The following SPRED2 variants were observed in gnomAD, a reference collection of about 807,000 sequenced individuals.
SPRED2 encodes sprouty related EVH1 domain containing 2.
Under a neutral mutation model 43.0 loss-of-function variants are expected in SPRED2, and 47 were observed. The ratio of observed to expected loss-of-function variants is 1.09; its 90% CI spans 0.87 to 1.40. The LOEUF (loss-of-function observed/expected upper bound fraction) is 1.40, where lower values mean the gene tolerates loss of function less well. Ranked by LOEUF, SPRED2 falls within the 40% of genes most tolerant of loss-of-function variation. SPRED2 has a pLI of 0.00. For missense variants in SPRED2, 561 were observed against 586.4 expected (o/e 0.96, Z 0.45); for synonymous variants, 225 against 225.7 (o/e 1.00, Z 0.03).
At chr2:65,402,580 G>A (rs894895415) in intron 1 of SPRED2, among the ~76,000 whole-genome samples, 1 of 152,192 alleles carries the variant, frequency 6.6e-6, no homozygotes, top group African/African-American at 2.4e-5. Flanking sequence ...ATCCAGGCAG[G>A]CCTGCAGAGG....
intron 4 of SPRED2, among the ~76,000 whole-genome samples, chr2:65,329,887 T>C (rs1175600640): frequency 6.6e-6 from 1 of 152,156 alleles, no homozygotes; most frequent in African/African-American, 2.4e-5. Flanking sequence ...GAAGGACAAC[T>C]GAGTTCATTT....
intron 1 of SPRED2, chr2:65,374,038 G>A (rs1340296909): frequency 2.6e-5 from 4 of 152,172 alleles, no homozygotes; most frequent in Admixed American, 1.3e-4. Flanking sequence ...TGTGAGGCAC[G>A]TTTGCTAACT....
At chr2:65,340,517 A>G (rs1443836199) in intron 2 of SPRED2, among the ~76,000 whole-genome samples, 2 of 152,238 alleles carry the variant, frequency 1.3e-5, no homozygotes, top group Non-Finnish European at 2.9e-5. Flanking sequence ...GTCTCCATAA[A>G]GAGGTTTCTC....
chr2:65,313,233 C>T lies in SPRED2; in HGVS notation c.*268G>A. On this transcript the variant is annotated 3_prime_UTR_variant, in exon 6 of 6. Transcript: ENST00000356388. Reference sequence around the variant, plus strand: ...GCTTGGTTACAGATTGTTAATAGTACAGGAGTCTGTGGCGAAGGTTCCTTC... The same window carrying T: ...GCTTGGTTACAGATTGTTAATAGTATAGGAGTCTGTGGCGAAGGTTCCTTC... 4.0e-6 allele frequency: 5 copies of T among 1,252,520 alleles called. No individual in the cohort carries two copies. The highest frequency in any genetic ancestry group is 2.7e-5 in the South Asian group (1 of 36,378). The allele number at this position is 1,252,520 out of a possible 1,614,324, so 77.6% of individuals were successfully genotyped here. A position where few individuals can be genotyped will look rare whatever the true frequency, so the allele number is the denominator to read the frequency against.
intron 1 of SPRED2, among the ~76,000 whole-genome samples, chr2:65,430,002 T>A (rs1676641209): frequency 6.6e-6 from 1 of 152,306 alleles, no homozygotes; most frequent in East Asian, 1.9e-4. Flanking sequence ...AGGTCAGGCC[T>A]GTATTCCCAA....
In SPRED2 at chr2:65,311,968, CGCTACCACAGAAAGATCGTG is replaced by C. The variant is rs1343013953; in HGVS notation, c.*1513_*1532del. ...GGAGCAGGCCATGTCTTCTGCTGGC[CGCTACCACAGAAAGATCGTG>C]GCGGGAAGAACAGCCGGCGTCCGCA... is the stretch of plus-strand genomic sequence containing the variant. On this transcript the variant is annotated 3_prime_UTR_variant, in exon 6 of 6. Coordinates refer to ENST00000356388, the MANE Select transcript of SPRED2 (RefSeq NM_181784.3). 1.0e-6 allele frequency: 1 copy of C among 985,172 alleles called. No homozygotes were observed. The highest frequency in any genetic ancestry group is 1.1e-4 in the East Asian group (1 of 8,812). 61.0% of individuals were successfully genotyped at this position (985,172 alleles called of 1,614,324 possible).
In SPRED2 at chr2:65,313,454, G is replaced by T. The variant is rs750514525; in HGVS notation, c.*47C>A. The T allele has an allele frequency of 6.4e-7, 1 of 1,557,924 alleles. No individual in the cohort carries two copies. Among genetic ancestry groups the T allele is most frequent in the African/African-American group, 1.4e-5 (1 of 73,302 alleles). ...GAGAAGATGAGAGTATGTAAGAGAC[G>T]AGTTCCCCTGTGGCTGCGGATGGAG... On this transcript the variant is annotated 3_prime_UTR_variant, in exon 6 of 6. Coordinates refer to ENST00000356388, the MANE Select transcript of SPRED2 (RefSeq NM_181784.3).
chr2:65,416,871 G>C (rs775443230), intron 1 of SPRED2, among the ~76,000 whole-genome samples: 1 of 152,202 alleles, frequency 6.6e-6, no homozygotes, highest in Admixed American at 6.5e-5. Context: ...TACTAGCTGT[G>C]TGATTCAGTA....
chr2:65,314,414 G>C (rs1200982850), intron 5 of SPRED2, among the ~76,000 whole-genome samples: 1 of 152,198 alleles, frequency 6.6e-6, no homozygotes, highest in South Asian at 2.1e-4. Context: ...CGTGGGTTGA[G>C]ACCGGCAGTA....
At chr2:65,315,848 C>A (rs757129243) in intron 5 of SPRED2, among the ~76,000 whole-genome samples, 3 of 152,126 alleles carry the variant, frequency 2.0e-5, no homozygotes, top group East Asian at 3.9e-4. Context: ...TTAGTAGACA[C>A]GGGGTTTCAC....
intron 2 of SPRED2, among the ~76,000 whole-genome samples, chr2:65,339,099 G>GT (rs1674094054): frequency 2.6e-5 from 2 of 76,558 alleles, no homozygotes; most frequent in Admixed American, 2.5e-4. Context: ...AGGGAGGTTG[G>GT]GCGGGGGGTC....
At chr2:65,323,140 C>A (rs137913317) in intron 4 of SPRED2, among the ~76,000 whole-genome samples, 1 of 152,244 alleles carries the variant, frequency 6.6e-6, no homozygotes, top group South Asian at 2.1e-4. Flanking sequence ...ACCACAGGCA[C>A]GTGCCACCAC....
chr2:65,342,838 A>C (rs933475018), intron 2 of SPRED2, among the ~76,000 whole-genome samples: 4 of 152,354 alleles, frequency 2.6e-5, no homozygotes, highest in Middle Eastern at 3.4e-3. Flanking sequence ...ATGGCTGGGC[A>C]CAGTGGCATG....
chr2:65,356,247 TG>T (rs1674642314), intron 1 of SPRED2, among the ~76,000 whole-genome samples: 1 of 152,152 alleles, frequency 6.6e-6, no homozygotes, highest in South Asian at 2.1e-4. Flanking sequence ...TAAAAAAACA[TG>T]GAATCATGGA....
chr2:65,323,250 C>T (rs938857554), intron 4 of SPRED2, among the ~76,000 whole-genome samples: 7 of 152,200 alleles, frequency 4.6e-5, no homozygotes, highest in Non-Finnish European at 8.8e-5. Flanking sequence ...CCACCTCAGC[C>T]TCCCAAAGTG....
At chr2:65,395,244 C>A (rs375448436) in intron 1 of SPRED2, among the ~76,000 whole-genome samples, 1 of 152,186 alleles carries the variant, frequency 6.6e-6, no homozygotes, top group African/African-American at 2.4e-5. Context: ...TAACCCTCCA[C>A]GGATTTTGTC....
At chr2:65,375,314 C>G (rs1366144150) in intron 1 of SPRED2, among the ~76,000 whole-genome samples, 1 of 152,246 alleles carries the variant, frequency 6.6e-6, no homozygotes, top group East Asian at 1.9e-4. Context: ...GGCTTGTATG[C>G]CGGTCTCAGG....
chr2:65,431,642 C>G (rs1345548373), intron 1 of SPRED2, among the ~76,000 whole-genome samples: 1 of 152,186 alleles, frequency 6.6e-6, no homozygotes, highest in African/African-American at 2.4e-5. Flanking sequence ...CCGCTCTAGC[C>G]GCCGAGGATT....
intron 1 of SPRED2, among the ~76,000 whole-genome samples, chr2:65,365,313 T>C (rs1674942186): frequency 6.6e-6 from 1 of 152,202 alleles, no homozygotes; most frequent in African/African-American, 2.4e-5. Context: ...GGCCATTCTA[T>C]AAAAAGTACA....
Sources: allele counts gnomAD v4.1 joint callset (sites outside exome capture counted in the v4.1 genomes callset), GRCh38; gene constraint gnomAD v4.1.1; transcripts MANE v1.5; gene names NCBI Gene and HGNC (gene_info 2026-07-23, HGNC 2026-07-21).